The following CDK14 variants were observed in gnomAD, a reference collection of about 807,000 sequenced individuals.
CDK14 encodes the protein cyclin-dependent kinase 14.
In CDK14, 34 loss-of-function variants were observed where a neutral mutation model predicts 60.7. That is an observed-to-expected ratio of 0.56 (90% confidence interval 0.43 to 0.75). CDK14 has a LOEUF of 0.75. CDK14 is among the 30% of genes least tolerant of loss of function. The probability of loss-of-function intolerance (pLI) is 0.00; values close to 1 mark genes in which losing one functional copy is unlikely to be tolerated. For missense variants in CDK14, 482 were observed against 564.1 expected, an observed-to-expected ratio of 0.85 and a Z score of 1.47; for synonymous variants, 197 against 203.7, an observed-to-expected ratio of 0.97 and a Z score of 0.28.
Position 90,668,693 on chromosome 7 carries a change from C to T in CDK14, c.124-57874C>T, listed in dbSNP as rs556030552. 2.7e-3 allele frequency among the ~76,000 whole-genome samples: 269 copies of T among 101,094 alleles called. 1 individual carries two copies. The highest frequency in any genetic ancestry group is 9.4e-3 in the African/African-American group (252 of 26,930). 66.3% of individuals were successfully genotyped at this position (101,094 alleles called of 152,430 possible). ...TTTTTATATGGTGTAAGGAAGGACT[C>T]GCATTCTTTTTTTTTTTTTTTTTTT... is the stretch of plus-strand genomic sequence containing the variant. On this transcript the variant is annotated intron_variant, in intron 2 of 14. Transcript: ENST00000380050.
chr7:91,064,609 G>T (rs546953543), intron 11 of CDK14, among the ~76,000 whole-genome samples: 1 of 152,290 alleles, frequency 6.6e-6, no homozygotes, highest in South Asian at 2.1e-4. Context: ...TCCTGGTTCA[G>T]TCTCTGTCAC....
At chr7:91,043,519 C>T (rs1352359897) in intron 10 of CDK14, among the ~76,000 whole-genome samples, 1 of 152,220 alleles carries the variant, frequency 6.6e-6, no homozygotes, top group Non-Finnish European at 1.5e-5. Context: ...ATTGTCTCCT[C>T]TTGAAATAAT....
chr7:91,190,500 T>A (rs1802326560), intron 14 of CDK14, among the ~76,000 whole-genome samples: 1 of 152,202 alleles, frequency 6.6e-6, no homozygotes. Context: ...TTGTCTGTTT[T>A]GTTTTTGAAG....
intron 2 of CDK14, among the ~76,000 whole-genome samples, chr7:90,647,447 C>A (rs1800493215): frequency 6.6e-6 from 1 of 151,698 alleles, no homozygotes; most frequent in Non-Finnish European, 1.5e-5. Context: ...AGAATGATTT[C>A]ACTTTAAGTA....
chr7:90,658,750 C>T (rs1563033906), intron 2 of CDK14, among the ~76,000 whole-genome samples: 1 of 152,118 alleles, frequency 6.6e-6, no homozygotes, highest in African/African-American at 2.4e-5. Context: ...AATAGTGCTG[C>T]TATAAACACC....
intron 2 of CDK14, among the ~76,000 whole-genome samples, chr7:90,654,641 G>A (rs1192741959): frequency 6.6e-6 from 1 of 152,112 alleles, no homozygotes; most frequent in Non-Finnish European, 1.5e-5. Flanking sequence ...AGGCCTGTCA[G>A]TTTTTTAAAA....
chr7:91,111,091 A>G (rs1799457214), intron 12 of CDK14, among the ~76,000 whole-genome samples: 1 of 152,090 alleles, frequency 6.6e-6, no homozygotes, highest in Non-Finnish European at 1.5e-5. Flanking sequence ...TTTTTTCGTG[A>G]ACAGCCATTG....
chr7:91,099,862 C>G (rs1247928211), intron 12 of CDK14, among the ~76,000 whole-genome samples: 1 of 152,030 alleles, frequency 6.6e-6, no homozygotes, highest in Non-Finnish European at 1.5e-5. Flanking sequence ...GAATACATGT[C>G]TTTGGGTTTG....
chr7:91,094,620 CAA>C (rs1435921367), intron 12 of CDK14, among the ~76,000 whole-genome samples: 20 of 152,144 alleles, frequency 1.3e-4, no homozygotes, highest in Non-Finnish European at 2.9e-5. Context: ...TTTGTAGTCT[CAA>C]GAGCAGATCT....
intron 4 of CDK14, among the ~76,000 whole-genome samples, chr7:90,768,331 T>C (rs1804648684): frequency 6.6e-6 from 1 of 152,244 alleles, no homozygotes; most frequent in African/African-American, 2.4e-5. Flanking sequence ...CTCTTTCTAC[T>C]TTTCAAAAAC....
At chr7:90,838,462 G>A (rs536926356) in intron 5 of CDK14, among the ~76,000 whole-genome samples, 1 of 152,108 alleles carries the variant, frequency 6.6e-6, no homozygotes, top group African/African-American at 2.4e-5. Flanking sequence ...TAACCATAAG[G>A]TCTGACTGCC....
intron 2 of CDK14, among the ~76,000 whole-genome samples, chr7:90,676,420 T>C (rs533246472): frequency 1.3e-5 from 2 of 152,024 alleles, no homozygotes; most frequent in African/African-American, 2.4e-5. Context: ...GGTGCACTTA[T>C]AGGAGGAAGT....
At chr7:90,809,783 G>A (rs1789014106) in intron 5 of CDK14, among the ~76,000 whole-genome samples, 1 of 152,032 alleles carries the variant, frequency 6.6e-6, no homozygotes, top group South Asian at 2.1e-4. Context: ...AATGATAAAG[G>A]GGATATCACC....
At chr7:90,982,881 G>T (rs1164330007) in intron 9 of CDK14, among the ~76,000 whole-genome samples, 1 of 151,984 alleles carries the variant, frequency 6.6e-6, no homozygotes, top group Non-Finnish European at 1.5e-5. Context: ...CATTAAAAAT[G>T]GGCAAAAGAC....
At chr7:91,036,020 T>G (rs1219413240) in intron 10 of CDK14, among the ~76,000 whole-genome samples, 1 of 152,060 alleles carries the variant, frequency 6.6e-6, no homozygotes, top group Non-Finnish European at 1.5e-5. Context: ...ATTTTTTGTA[T>G]TTTTAGTAGA....
At chr7:91,050,871 A>G (rs1024549058) in intron 11 of CDK14, among the ~76,000 whole-genome samples, 2 of 152,226 alleles carry the variant, frequency 1.3e-5, no homozygotes, top group Non-Finnish European at 2.9e-5. Flanking sequence ...GGACTTCCCT[A>G]AAGTTAGTGT....
intron 5 of CDK14, among the ~76,000 whole-genome samples, chr7:90,807,467 C>T (rs545309989): frequency 7.2e-5 from 11 of 151,950 alleles, no homozygotes; most frequent in African/African-American, 9.7e-5. Flanking sequence ...CCCATCTGTA[C>T]GTCATCATCA....
At chr7:90,650,114 G>A (rs1029602253) in intron 2 of CDK14, among the ~76,000 whole-genome samples, 1 of 152,160 alleles carries the variant, frequency 6.6e-6, no homozygotes, top group Non-Finnish European at 1.5e-5. Context: ...AGCCTCTCCA[G>A]CATCTGTTGT....
intron 2 of CDK14, chr7:90,710,136 A>AT: frequency 1.0e-6 from 1 of 985,100 alleles, no homozygotes; most frequent in Non-Finnish European, 1.2e-6. Context: ...GGGTATTTAA[A>AT]TTAGAGACTG....
Sources: gnomAD v4.1 joint callset for allele counts (sites outside exome capture counted in the v4.1 genomes callset) on GRCh38, gnomAD v4.1.1 for gene constraint, MANE v1.5 for transcripts, NCBI Gene and HGNC (gene_info 2026-07-23, HGNC 2026-07-21) for gene names.